Variants in ERG observed in about 807,000 individuals in gnomAD.
ERG encodes the protein ETS transcription factor ERG.
In ERG, 9 loss-of-function variants were observed where a neutral mutation model predicts 55.3. That is an observed-to-expected ratio of 0.16 (90% CI 0.10 to 0.28). ERG has a LOEUF of 0.28. Among genes scored for constraint, ERG ranks in the 10% least tolerant of loss-of-function variants. The pLI, the probability that ERG is intolerant of heterozygous loss-of-function variation, is 1.00. For synonymous variants in ERG, 223 were observed against 237.3 expected (o/e 0.94, Z 0.55); for missense variants, 434 against 631.6 (o/e 0.69, Z 3.35).
At chr21:38,604,273 C>T (rs1322797639) in intron 1 of ERG, among the ~76,000 whole-genome samples, 1 of 149,098 alleles carries the variant, frequency 6.7e-6, no homozygotes, top group Non-Finnish European at 1.5e-5. Context: ...AAAAAAAGTA[C>T]TAGTTTTATG....
intron 1 of ERG, among the ~76,000 whole-genome samples, chr21:38,494,616 A>G (rs1173808299): frequency 6.6e-6 from 1 of 152,252 alleles, no homozygotes; most frequent in Non-Finnish European, 1.5e-5. Context: ...TGTTTAAATA[A>G]AGATCTGTTT....
intron 1 of ERG, among the ~76,000 whole-genome samples, chr21:38,642,541 T>C (rs1332168176): frequency 6.6e-6 from 1 of 152,180 alleles, no homozygotes; most frequent in East Asian, 1.9e-4. Context: ...CTGCCAAGTC[T>C]CCAGCGTGAA....
At chr21:38,415,087 G>T (rs1003240457) in intron 3 of ERG, among the ~76,000 whole-genome samples, 22 of 152,174 alleles carry the variant, frequency 1.4e-4, no homozygotes, top group African/African-American at 5.3e-4. Context: ...CCATTCCTGT[G>T]TTCTCCCCTG....
intron 1 of ERG, among the ~76,000 whole-genome samples, chr21:38,446,112 G>A (rs966587696): frequency 6.6e-6 from 1 of 150,666 alleles, no homozygotes; most frequent in African/African-American, 2.4e-5. Flanking sequence ...GGGATCAATG[G>A]AGCACCAAAG....
At chr21:38,488,457 AG>A (rs2059306989) in intron 1 of ERG, among the ~76,000 whole-genome samples, 3 of 152,088 alleles carry the variant, frequency 2.0e-5, no homozygotes. Context: ...TCTCCTACAA[AG>A]GGGCCAGTCT....
chr21:38,439,701 C>T (rs544465896), intron 2 of ERG, among the ~76,000 whole-genome samples: 31 of 152,342 alleles, frequency 2.0e-4, no homozygotes, highest in African/African-American at 6.5e-4. Flanking sequence ...CCAGTTGGCT[C>T]GCAAAGCAGT....
rs546735146 is a variant in ERG, at chr21:38,618,674, T to G, written c.-149-33729A>C. On this transcript the variant is annotated intron_variant, in intron 1 of 10. Transcript: ENST00000398910. ...TAATGTAGCCATTCTGTCAATAGCA[T>G]CAGCAACAGCACTGCCTCCTTTACA... 2.0e-5 allele frequency among the ~76,000 whole-genome samples: 3 copies of G among 152,308 alleles called. No homozygotes were observed. The East Asian group carries it at 5.8e-4, about 29-fold the overall frequency.
intron 1 of ERG, among the ~76,000 whole-genome samples, chr21:38,596,557 C>T (rs868020659): frequency 7.2e-5 from 11 of 152,242 alleles, no homozygotes; most frequent in Non-Finnish European, 1.0e-4. Flanking sequence ...TGAGCCAAAC[C>T]GTGTGACACT....
chr21:38,451,175 A>G (rs1396486228), intron 1 of ERG: 1 of 504,176 alleles, frequency 2.0e-6, no homozygotes, highest in East Asian at 5.6e-5. Context: ...AGATGAAGGG[A>G]TAAGTGTCCA....
the ERG span, among the ~76,000 whole-genome samples, chr21:38,372,825 G>GTT: frequency 6.9e-6 from 1 of 144,716 alleles, no homozygotes; most frequent in African/African-American, 2.5e-5. Flanking sequence ...TCCATTTCTT[G>GTT]TTTTTTTTTT....
chr21:38,415,013 A>C (rs1440773553), intron 3 of ERG, among the ~76,000 whole-genome samples: 1 of 152,172 alleles, frequency 6.6e-6, no homozygotes, highest in Non-Finnish European at 1.5e-5. Flanking sequence ...TTGTTTACTT[A>C]AGTCTTATTT....
At chr21:38,537,446 A>AG (rs2059719574) in intron 2 of ERG, among the ~76,000 whole-genome samples, 1 of 142,126 alleles carries the variant, frequency 7.0e-6, no homozygotes, top group Non-Finnish European at 1.5e-5. Context: ...AAAAAAATAT[A>AG]TATATATATG....
intron 1 of ERG, among the ~76,000 whole-genome samples, chr21:38,496,304 G>C (rs2059378880): frequency 6.6e-6 from 1 of 152,158 alleles, no homozygotes; most frequent in Non-Finnish European, 1.5e-5. Flanking sequence ...CAAAAAAACA[G>C]AGTGCATTGA....
At chr21:38,570,586 G>A (rs1193509300) in intron 2 of ERG, among the ~76,000 whole-genome samples, 1 of 152,158 alleles carries the variant, frequency 6.6e-6, no homozygotes, top group Non-Finnish European at 1.5e-5. Flanking sequence ...GGGTCTAAAT[G>A]TACTAACTCG....
the ERG span, among the ~76,000 whole-genome samples, chr21:38,370,211 T>A: frequency 6.6e-6 from 1 of 152,110 alleles, no homozygotes; most frequent in Non-Finnish European, 1.5e-5. Context: ...TGAGCATTGT[T>A]TATAATTAAT....
At chr21:38,454,618 G>A (rs1260170678) in intron 1 of ERG, among the ~76,000 whole-genome samples, 1 of 152,170 alleles carries the variant, frequency 6.6e-6, no homozygotes, top group Non-Finnish European at 1.5e-5. Context: ...TCTAGTGTGT[G>A]TAACAGGTTT....
chr21:38,584,528 G>A lies in ERG; in HGVS notation c.-127+316C>T, dbSNP rs116199692. Among the ~76,000 whole-genome samples, 500 of 152,356 alleles carry A rather than the reference G, an allele frequency of 3.3e-3. 1 individual carries two copies. The highest frequency in any genetic ancestry group is 0.012 in the African/African-American group (483 of 41,580). On this transcript the variant is annotated intron_variant, in intron 1 of 8. Transcript: ENST00000398897. Reference sequence around the variant, plus strand: ...TCTGGTTCCTCTGGAAAAGGGAGAAGAGAGTAGACAGTGATGGAGAAAAGA... The same window carrying A: ...TCTGGTTCCTCTGGAAAAGGGAGAAAAGAGTAGACAGTGATGGAGAAAAGA...
intron 1 of ERG, among the ~76,000 whole-genome samples, chr21:38,628,084 G>A (rs2060336227): frequency 6.6e-6 from 1 of 151,880 alleles, no homozygotes; most frequent in South Asian, 2.1e-4. Flanking sequence ...GAGTAGCTGG[G>A]GCTACAGGTG....
At chr21:38,477,458 C>T (rs1382210984) in intron 1 of ERG, among the ~76,000 whole-genome samples, 1 of 151,994 alleles carries the variant, frequency 6.6e-6, no homozygotes, top group African/African-American at 2.4e-5. Context: ...TCATGGGGAG[C>T]AAACCTGTGA....
Sources: gnomAD v4.1 joint callset for allele counts (sites outside exome capture counted in the v4.1 genomes callset) on GRCh38, gnomAD v4.1.1 for gene constraint, MANE v1.5 for transcripts, NCBI Gene and HGNC (gene_info 2026-07-23, HGNC 2026-07-21) for gene names.